PTPRG: variants seen among roughly 807,000 people sequenced by gnomAD.
PTPRG encodes protein tyrosine phosphatase receptor type G, also known as receptor-type tyrosine-protein phosphatase gamma.
In PTPRG, 102 loss-of-function variants were observed where a neutral mutation model predicts 165.3. That is an observed-to-expected ratio of 0.62 (90% CI 0.53 to 0.73). The LOEUF (loss-of-function observed/expected upper bound fraction) is 0.73, where lower values mean the gene tolerates loss of function less well. PTPRG is among the 30% of genes least tolerant of loss of function. The pLI, the probability that PTPRG is intolerant of heterozygous loss-of-function variation, is 0.00. For synonymous variants in PTPRG, 675 were observed against 669.5 expected (o/e 1.01, Z -0.13); for missense variants, 1,866 against 1,861.4 (o/e 1.00, Z -0.05).
At chr3:62,183,673 G>A (rs2106782655) in intron 8 of PTPRG, among the ~76,000 whole-genome samples, 1 of 152,232 alleles carries the variant, frequency 6.6e-6, no homozygotes, top group Middle Eastern at 3.4e-3. Flanking sequence ...GAAGGACCAT[G>A]AGCTCCCTAT....
chr3:61,777,745 C>G (rs1485222079), intron 2 of PTPRG, among the ~76,000 whole-genome samples: 1 of 152,138 alleles, frequency 6.6e-6, no homozygotes, highest in African/African-American at 2.4e-5. Flanking sequence ...TTTATGGGCC[C>G]TCAGTGGGGA....
intron 4 of PTPRG, among the ~76,000 whole-genome samples, chr3:62,027,154 T>C (rs1398990290): frequency 6.6e-6 from 1 of 152,116 alleles, no homozygotes; most frequent in Non-Finnish European, 1.5e-5. Flanking sequence ...TAGAACAAAC[T>C]GGGGATGACG....
intron 1 of PTPRG, among the ~76,000 whole-genome samples, chr3:61,567,833 A>G (rs546941652): frequency 7.0e-4 from 106 of 151,796 alleles, no homozygotes; most frequent in Non-Finnish European, 1.3e-3. Flanking sequence ...AAAATACAAA[A>G]ATTAGCTGTA....
intron 2 of PTPRG, among the ~76,000 whole-genome samples, chr3:61,898,696 C>T (rs2038424853): frequency 6.6e-6 from 1 of 152,188 alleles, no homozygotes; most frequent in African/African-American, 2.4e-5. Flanking sequence ...AAGCATGTGG[C>T]AAAGGTCTTT....
At chr3:62,058,988 C>A (rs993478110) in intron 4 of PTPRG, among the ~76,000 whole-genome samples, 1 of 152,158 alleles carries the variant, frequency 6.6e-6, no homozygotes, top group Non-Finnish European at 1.5e-5. Context: ...GGTAGGCAGA[C>A]GGGAATGATC....
chr3:61,659,682 T>G (rs1409942562), intron 1 of PTPRG, among the ~76,000 whole-genome samples: 2 of 152,194 alleles, frequency 1.3e-5, no homozygotes. Flanking sequence ...CTTAGACCAC[T>G]GTATGGAGAA....
At chr3:62,057,531 C>A (rs1700672251) in intron 4 of PTPRG, among the ~76,000 whole-genome samples, 2 of 152,188 alleles carry the variant, frequency 1.3e-5, no homozygotes, top group Admixed American at 1.3e-4. Flanking sequence ...TGGCCCCAGG[C>A]CAGTAATGTG....
chr3:61,700,351 A>G (rs1277788288), intron 1 of PTPRG, among the ~76,000 whole-genome samples: 2 of 152,160 alleles, frequency 1.3e-5, no homozygotes, highest in East Asian at 3.9e-4. Context: ...TAAAGCTGCA[A>G]ATAAGCTGAG....
intron 6 of PTPRG, among the ~76,000 whole-genome samples, chr3:62,146,965 C>A (rs1271584241): frequency 6.6e-6 from 1 of 152,178 alleles, no homozygotes; most frequent in South Asian, 2.1e-4. Context: ...TAAAGTGCTA[C>A]GTTGGGTGCT....
At chr3:61,820,135 G>A (rs1361323897) in intron 2 of PTPRG, among the ~76,000 whole-genome samples, 1 of 152,116 alleles carries the variant, frequency 6.6e-6, no homozygotes, top group Admixed American at 6.6e-5. Context: ...GAAAAAAGGA[G>A]ATATATTTTT....
At position 62,222,567 on chromosome 3, in the gene PTPRG, G is replaced by T. The variant is rs1227605270; in HGVS notation, c.2288+3584G>T. 6.6e-6 allele frequency among the ~76,000 whole-genome samples: 1 copy of T among 152,210 alleles called. No homozygotes were observed. Among genetic ancestry groups the T allele is most frequent in the African/African-American group, 2.4e-5 (1 of 41,456 alleles). On this transcript the variant is annotated intron_variant, in intron 13 of 29. Transcript: ENST00000474889. This position sits in a 1 kb window ranked among gnomAD's most constrained non-coding sequence, Gnocchi z 4.5. ...GGATGGAACATTCTTGTCAGGCCTA[G>T]GTCTTATATTTAACTCTGGAGCTCA...
At chr3:62,020,163 T>G (rs2041655248) in intron 4 of PTPRG, among the ~76,000 whole-genome samples, 1 of 152,190 alleles carries the variant, frequency 6.6e-6, no homozygotes, top group Non-Finnish European at 1.5e-5. Context: ...AATATCAAAA[T>G]GAATATGTTT....
intron 2 of PTPRG, among the ~76,000 whole-genome samples, chr3:61,841,068 C>T (rs1344997511): frequency 6.6e-6 from 1 of 152,102 alleles, no homozygotes; most frequent in Non-Finnish European, 1.5e-5. Context: ...AGATGTGAGC[C>T]ACCACACCCG....
chr3:62,150,966 C>T (rs565527202), intron 6 of PTPRG, among the ~76,000 whole-genome samples: 1 of 152,256 alleles, frequency 6.6e-6, no homozygotes, highest in African/African-American at 2.4e-5. Context: ...AAAGAGCTTT[C>T]TTTTTTTCCT....
At chr3:62,094,376 G>C (rs1212287517) in intron 5 of PTPRG, among the ~76,000 whole-genome samples, 1 of 152,192 alleles carries the variant, frequency 6.6e-6, no homozygotes, top group African/African-American at 2.4e-5. Flanking sequence ...TTAGGACTTT[G>C]AGGAAAAGTC....
intron 1 of PTPRG, among the ~76,000 whole-genome samples, chr3:61,634,491 C>T (rs1478759498): frequency 6.6e-6 from 1 of 152,032 alleles, no homozygotes; most frequent in Non-Finnish European, 1.5e-5. Flanking sequence ...GCCACTTTGA[C>T]CTCCGAAAGT....
chr3:62,114,840 A>T (rs963359122), intron 5 of PTPRG, among the ~76,000 whole-genome samples: 2 of 152,020 alleles, frequency 1.3e-5, no homozygotes, highest in African/African-American at 4.8e-5. Context: ...AGGGTTCACT[A>T]TGTTGTCCAG....
intron 2 of PTPRG, among the ~76,000 whole-genome samples, chr3:61,963,180 C>G (rs1257140376): frequency 6.6e-6 from 1 of 152,124 alleles, no homozygotes; most frequent in Middle Eastern, 3.2e-3. Flanking sequence ...AGTAGGAGTT[C>G]TTAACCAGCA....
intron 2 of PTPRG, among the ~76,000 whole-genome samples, chr3:61,923,756 G>A (rs2039140516): frequency 1.6e-5 from 2 of 128,528 alleles, no homozygotes; most frequent in Admixed American, 1.8e-4. Context: ...GTCTTGAACT[G>A]TTGGGCTCAA....
Sources: gnomAD v4.1 joint callset for allele counts (sites outside exome capture counted in the v4.1 genomes callset) on GRCh38, gnomAD v4.1.1 for gene constraint, Gnocchi (gnomAD v3.1) non-coding constraint, MANE v1.5 for transcripts, NCBI Gene and HGNC (gene_info 2026-07-23, HGNC 2026-07-21) for gene names.